Variants in ACBD5 observed in about 807,000 individuals in gnomAD.
The protein encoded by ACBD5 is acyl-CoA-binding domain-containing protein 5.
In ACBD5, 40 loss-of-function variants were observed where a neutral mutation model predicts 71.8. The observed-to-expected ratio is 0.56, with a 90% CI of 0.43 to 0.72. The LOEUF is 0.72. Among genes scored for constraint, ACBD5 ranks in the 30% least tolerant of loss-of-function variants. The pLI is 0.00. For synonymous variants in ACBD5, 229 were observed against 218.6 expected (o/e 1.05, Z -0.42); for missense variants, 559 against 644.5 (o/e 0.87, Z 1.44).
chr10:27,218,745 C>T (rs2061960223), intron 6 of ACBD5, among the ~76,000 whole-genome samples: 1 of 152,058 alleles, frequency 6.6e-6, no homozygotes, highest in South Asian at 2.1e-4. Flanking sequence ...GCCACTATGC[C>T]TGGCTAATTT....
chr10:27,223,325 AAAAT>A lies in ACBD5; in HGVS notation c.490+9_490+12del. 1 of 1,577,982 alleles carries A rather than the reference AAAAT, an allele frequency of 6.3e-7. No individual in the cohort carries two copies. Among genetic ancestry groups the A allele is most frequent in the Non-Finnish European group, 8.7e-7 (1 of 1,147,202 alleles). ...TCAGTTGATGAATTTAAAAATAGGT[AAAAT>A]AGTCCAACCTGAGGTTATATCAGAA... is the stretch of plus-strand genomic sequence containing the variant. On this transcript the variant is annotated intron_variant, in intron 5 of 12. Transcript: ENST00000396271.
chr10:27,211,149 G>GC (rs1026381216), intron 8 of ACBD5, 68 bp from the exon 9 acceptor site: 2 of 1,465,422 alleles, frequency 1.4e-6, no homozygotes, highest in Non-Finnish European at 1.9e-6. Flanking sequence ...AGTTTTTACA[G>GC]CAATAGGAGA....
rs553098919 is a variant in ACBD5 at position 27,234,100 on chromosome 10, C to T, written c.302+992G>A. 3.3e-5 allele frequency among the ~76,000 whole-genome samples: 5 copies of T among 152,300 alleles called. No individual in the cohort carries two copies. In the East Asian group the frequency reaches 7.7e-4, roughly 23 times the overall value. On this transcript the variant is annotated intron_variant, in intron 3 of 12. Coordinates refer to ENST00000396271, the MANE Select transcript of ACBD5 (RefSeq NM_145698.5). ...ACCAATTAGCATATTCTGTTCATAA[C>T]GTACAGTCTAAAATTGACTTTTCTC...
At chr10:27,212,121 G>A (rs1349228716) in intron 8 of ACBD5, among the ~76,000 whole-genome samples, 1 of 152,184 alleles carries the variant, frequency 6.6e-6, no homozygotes, top group African/African-American at 2.4e-5. Context: ...GGCCAGGGTA[G>A]GCAGATCACT....
downstream of ACBD5, among the ~76,000 whole-genome samples, chr10:27,192,407 A>G (rs2059117264): frequency 6.6e-6 from 1 of 152,110 alleles, no homozygotes; most frequent in Non-Finnish European, 1.5e-5. Flanking sequence ...TGCTGGTTCT[A>G]TGCCCATCAC....
At chr10:27,229,465 C>T (rs2063571242) in intron 4 of ACBD5, among the ~76,000 whole-genome samples, 1 of 151,714 alleles carries the variant, frequency 6.6e-6, no homozygotes, top group Non-Finnish European at 1.5e-5. Flanking sequence ...GACGGCATGC[C>T]TCTGTAATCC....
chr10:27,190,504 G>A (rs1187620937), downstream of ACBD5, among the ~76,000 whole-genome samples: 5 of 152,130 alleles, frequency 3.3e-5, no homozygotes, highest in South Asian at 2.1e-4. Flanking sequence ...TTTTGGGTTC[G>A]GGAAGTGGTA....
At chr10:27,213,131 T>G (rs987056899) in intron 8 of ACBD5, among the ~76,000 whole-genome samples, 5 of 151,870 alleles carry the variant, frequency 3.3e-5, no homozygotes, top group African/African-American at 1.2e-4. Context: ...GATTAATAAG[T>G]AGAATACATA....
At position 27,196,374 on chromosome 10, in the gene ACBD5, G is replaced by A. The variant is rs567830992; in HGVS notation, c.*1056C>T. 1.8e-5 allele frequency: 8 copies of A among 454,182 alleles called. No individual in the cohort carries two copies. The highest frequency in any genetic ancestry group is 9.3e-5 in the South Asian group (6 of 64,470). 28.1% of individuals were successfully genotyped at this position (454,182 alleles called of 1,614,324 possible). A position where few individuals can be genotyped will look rare whatever the true frequency, so the allele number is the denominator to read the frequency against. Reference sequence around the variant, plus strand: ...GTGGGGAAGAGGGACTTAAATTTCTGTTAGCTGGGCATGCCTTATTCCTAT... The same window carrying A: ...GTGGGGAAGAGGGACTTAAATTTCTATTAGCTGGGCATGCCTTATTCCTAT... On this transcript the variant is annotated 3_prime_UTR_variant, in exon 13 of 13. Transcript: ENST00000396271.
chr10:27,193,059 T>C (rs2059143638), downstream of ACBD5, among the ~76,000 whole-genome samples: 1 of 151,744 alleles, frequency 6.6e-6, no homozygotes, highest in African/African-American at 2.4e-5. Flanking sequence ...ATGTTTTTCT[T>C]TCTTTTCTTC....
chr10:27,193,445 AG>A (rs1216248438), downstream of ACBD5: 2 of 151,974 alleles, frequency 1.3e-5, no homozygotes, highest in Non-Finnish European at 2.9e-5. Context: ...AAAAAAAAAA[AG>A]AACTGATAAG....
At position 27,235,250 on chromosome 10, in the gene ACBD5, A is replaced by G. The variant is rs774419912; in HGVS notation, c.182-38T>C. The G allele has an allele frequency of 5.6e-6, 9 of 1,611,756 alleles. No homozygotes were observed. The African/African-American group carries it at 8.0e-5, about 14-fold the overall frequency. Reference sequence around the variant, plus strand: ...CACATTAAATACAAATCACCTGGGGAATACAACTGATAATCAGGTTATAAA... The same window carrying G: ...CACATTAAATACAAATCACCTGGGGGATACAACTGATAATCAGGTTATAAA... On this transcript the variant is annotated intron_variant, in intron 2 of 12. Coordinates refer to ENST00000396271, the MANE Select transcript of ACBD5 (RefSeq NM_145698.5).
At chr10:27,238,946 C>T (rs2065114759) in intron 2 of ACBD5, among the ~76,000 whole-genome samples, 1 of 152,104 alleles carries the variant, frequency 6.6e-6, no homozygotes, top group South Asian at 2.1e-4. Flanking sequence ...GCCTGTAATC[C>T]CAGCACTTTG....
chr10:27,226,819 C>T (rs545074767), intron 4 of ACBD5, among the ~76,000 whole-genome samples: 49 of 151,178 alleles, frequency 3.2e-4, no homozygotes, highest in African/African-American at 1.1e-3. Context: ...GATCAGCTAA[C>T]TTTTTTGTAT....
chr10:27,192,421 G>A (rs1427758670), downstream of ACBD5, among the ~76,000 whole-genome samples: 2 of 152,106 alleles, frequency 1.3e-5, no homozygotes, highest in African/African-American at 4.8e-5. Context: ...CCATCACTGT[G>A]ATGTCACTGT....
chr10:27,212,719 TTTA>T (rs1437556507), intron 8 of ACBD5, among the ~76,000 whole-genome samples: 1 of 152,062 alleles, frequency 6.6e-6, no homozygotes. Flanking sequence ...GGCTAAGTTT[TTTA>T]TTTTTTTGTA....
At chr10:27,186,998 G>C (rs1258819294) in intron 13 of ACBD5, 1 of 213,658 alleles carries the variant, frequency 4.7e-6, no homozygotes, top group African/African-American at 2.4e-5. Flanking sequence ...CCATACTTGT[G>C]ACCTCAGAAA....
At chr10:27,203,624 A>G (rs907266427) in intron 12 of ACBD5, among the ~76,000 whole-genome samples, 6 of 152,216 alleles carry the variant, frequency 3.9e-5, no homozygotes, top group African/African-American at 1.4e-4. Flanking sequence ...CTGTAATCCC[A>G]GCTACTTGGG....
At chr10:27,192,230 G>A (rs980536403), downstream of ACBD5, among the ~76,000 whole-genome samples, 3 of 136,854 alleles carry the variant, frequency 2.2e-5, no homozygotes, top group Non-Finnish European at 3.3e-5. Flanking sequence ...TACAAGAAAT[G>A]GATACATTCC....
Sources: gnomAD v4.1 joint callset for allele counts (sites outside exome capture counted in the v4.1 genomes callset) on GRCh38, gnomAD v4.1.1 for gene constraint, MANE v1.5 for transcripts, NCBI Gene and HGNC (gene_info 2026-07-23, HGNC 2026-07-21) for gene names.